The following CMTM8 variants were observed in gnomAD, a reference collection of about 807,000 sequenced individuals.
CMTM8 encodes the protein CKLF like MARVEL transmembrane domain containing 8, also known as CKLF-like MARVEL transmembrane domain-containing protein 8.
A neutral mutation model predicts 18.6 loss-of-function variants in CMTM8; 12 were observed. The ratio of observed to expected loss-of-function variants is 0.65; its 90% confidence interval spans 0.41 to 1.05. CMTM8 has a LOEUF of 1.05. Ranked by LOEUF, CMTM8 falls within the 50% of genes least tolerant of loss-of-function variation. CMTM8 has a pLI of 0.00. For missense variants in CMTM8, 217 were observed against 227.2 expected (o/e 0.95, Z 0.29); for synonymous variants, 87 against 90.6 (o/e 0.96, Z 0.23).
At chr3:32,260,334 G>A (rs945119170) in intron 1 of CMTM8, 12 of 593,390 alleles carry the variant, frequency 2.0e-5, no homozygotes, top group Non-Finnish European at 3.3e-5. Context: ...TAAATATAAT[G>A]AACTATACGT....
chr3:32,350,007 CA>C (rs151113777), intron 1 of CMTM8, among the ~76,000 whole-genome samples: 12,233 of 146,012 alleles, frequency 0.084, 589 homozygotes, highest in East Asian at 0.19. Flanking sequence ...GACTTTGTCT[CA>C]AAAAAAAAAG....
At chr3:32,239,394 G>A (rs1440667555) in intron 1 of CMTM8, among the ~76,000 whole-genome samples, 1 of 138,712 alleles carries the variant, frequency 7.2e-6, no homozygotes, top group Non-Finnish European at 1.6e-5. Context: ...CAGATCCTGG[G>A]AGCAGGAAGC....
In CMTM8 at chr3:32,357,481, T is replaced by C. The variant is rs769156424; in HGVS notation, c.256T>C (p.Phe86Leu). 6.2e-7 allele frequency: 1 copy of C among 1,614,022 alleles called. No individual in the cohort carries two copies. Among genetic ancestry groups the C allele is most frequent in the Non-Finnish European group, 8.5e-7 (1 of 1,180,048 alleles). The stretch of plus-strand genomic sequence containing the variant: ...TGTATTTTACTGGGTCCTCACCGTC[T>C]TCTTCCTCATTATCTACATAACAAT... ...VAVFYWVLTV[F>L]FLIIYITMTY... is the part of the protein sequence containing the mutation. Residue 86 changes from phenylalanine to leucine, a missense_variant, in exon 2 of 4, where the codon TTC becomes CTC. By Grantham distance (22) the Phe-to-Leu change is conservative (BLOSUM62 0). Coordinates refer to ENST00000307526, the MANE Select transcript of CMTM8 (RefSeq NM_178868.5).
intron 1 of CMTM8, among the ~76,000 whole-genome samples, chr3:32,297,470 G>A (rs545603429): frequency 1.3e-5 from 2 of 148,552 alleles, no homozygotes; most frequent in South Asian, 2.1e-4. Context: ...GTGAGCCACC[G>A]TGCCTGGCCT....
chr3:32,309,401 G>A (rs1436368538), intron 1 of CMTM8, among the ~76,000 whole-genome samples: 2 of 143,460 alleles, frequency 1.4e-5, no homozygotes, highest in African/African-American at 5.1e-5. Flanking sequence ...TCCACCTCCC[G>A]GGTTCAAGTG....
intron 1 of CMTM8, among the ~76,000 whole-genome samples, chr3:32,352,571 C>A (rs78310455): frequency 0.084 from 12,779 of 152,202 alleles, 741 homozygotes; most frequent in South Asian, 0.2. Flanking sequence ...ATGACTCTCA[C>A]AGTATTGAGC....
chr3:32,364,376 C>T (rs142291740), intron 2 of CMTM8, among the ~76,000 whole-genome samples: 2,352 of 152,184 alleles, frequency 0.015, 30 homozygotes, highest in Non-Finnish European at 0.022. Context: ...TGGTAGCATG[C>T]GCCTGTAGTC....
chr3:32,344,482 T>C (rs1432035731), intron 1 of CMTM8, among the ~76,000 whole-genome samples: 1 of 152,218 alleles, frequency 6.6e-6, no homozygotes, highest in Non-Finnish European at 1.5e-5. Flanking sequence ...GGTATTTGAA[T>C]AAATGACACT....
chr3:32,325,624 G>C (rs1696135256), intron 1 of CMTM8, among the ~76,000 whole-genome samples: 1 of 152,158 alleles, frequency 6.6e-6, no homozygotes, highest in Admixed American at 6.5e-5. Flanking sequence ...TTAAATTTTA[G>C]TTTGAAGTTT....
rs979415166 is a variant in CMTM8 at position 32,294,282 on chromosome 3, T to C, written c.147+55163T>C. 2.6e-5 allele frequency among the ~76,000 whole-genome samples: 4 copies of C among 152,256 alleles called. No homozygotes were observed. The East Asian group carries it at 7.7e-4, about 29-fold the overall frequency. ...GTGCACATCTGTGTCCAGGTCTTTGTGCTTGCTGTCCCTCTGTCAGGAATG... is the reference window on the plus strand; with the variant it reads ...GTGCACATCTGTGTCCAGGTCTTTGCGCTTGCTGTCCCTCTGTCAGGAATG... On this transcript the variant is annotated intron_variant, in intron 1 of 3. Coordinates refer to ENST00000307526, the MANE Select transcript of CMTM8 (RefSeq NM_178868.5).
At chr3:32,292,971 T>A (rs915471575) in intron 1 of CMTM8, among the ~76,000 whole-genome samples, 6 of 152,290 alleles carry the variant, frequency 3.9e-5, no homozygotes, top group Admixed American at 2.6e-4. Flanking sequence ...CTGATAGACA[T>A]ATATCCATAT....
intron 1 of CMTM8, among the ~76,000 whole-genome samples, chr3:32,281,347 A>G (rs1186212895): frequency 1.3e-5 from 2 of 152,170 alleles, no homozygotes; most frequent in Non-Finnish European, 2.9e-5. Flanking sequence ...AATTTAGCAC[A>G]TGCATTCTCA....
At chr3:32,286,156 G>T (rs186037073) in intron 1 of CMTM8, among the ~76,000 whole-genome samples, 15 of 152,252 alleles carry the variant, frequency 9.9e-5, no homozygotes, top group Admixed American at 4.6e-4. Flanking sequence ...CTGTTGTAGC[G>T]GCCCACCTCT....
chr3:32,318,426 C>T (rs1695972261), intron 1 of CMTM8, among the ~76,000 whole-genome samples: 1 of 152,084 alleles, frequency 6.6e-6, no homozygotes, highest in South Asian at 2.1e-4. Context: ...GCCCTGTTAG[C>T]AGTGCTGAGA....
chr3:32,292,506 T>C (rs1255427004), intron 1 of CMTM8, among the ~76,000 whole-genome samples: 2 of 152,188 alleles, frequency 1.3e-5, no homozygotes, highest in African/African-American at 4.8e-5. Context: ...TTCAAAAGTA[T>C]GAAAAGCTGT....
intron 1 of CMTM8, among the ~76,000 whole-genome samples, chr3:32,297,963 G>T (rs1011460676): frequency 7.9e-5 from 12 of 151,834 alleles, no homozygotes; most frequent in African/African-American, 2.9e-4. Context: ...CCAAGGTAAA[G>T]AAGTCTGGCT....
intron 1 of CMTM8, among the ~76,000 whole-genome samples, chr3:32,338,441 C>T (rs1247482053): frequency 1.3e-5 from 2 of 152,126 alleles, no homozygotes; most frequent in Non-Finnish European, 2.9e-5. Context: ...CTCTGCTAAG[C>T]ATTAAATCAT....
At chr3:32,343,020 T>TC (rs1469677226) in intron 1 of CMTM8, among the ~76,000 whole-genome samples, 3 of 152,158 alleles carry the variant, frequency 2.0e-5, no homozygotes, top group Non-Finnish European at 4.4e-5. Flanking sequence ...AAACTCTGCC[T>TC]CTCAGTCTGC....
At chr3:32,333,970 T>C (rs1373934392) in intron 1 of CMTM8, among the ~76,000 whole-genome samples, 1 of 151,874 alleles carries the variant, frequency 6.6e-6, no homozygotes, top group African/African-American at 2.4e-5. Flanking sequence ...TTCCAATCAA[T>C]TTTTCTTTTC....
Sources: gnomAD v4.1 joint callset for allele counts (sites outside exome capture counted in the v4.1 genomes callset) on GRCh38, gnomAD v4.1.1 for gene constraint, MANE v1.5 for transcripts, NCBI Gene and HGNC (gene_info 2026-07-23, HGNC 2026-07-21) for gene names.